The following MARCHF1 variants were observed in gnomAD, a reference collection of about 807,000 sequenced individuals.
MARCHF1 encodes the protein membrane associated ring-CH-type finger 1, also known as E3 ubiquitin-protein ligase MARCHF1.
MARCHF1 carries 40 observed loss-of-function variants against 54.2 expected under a neutral mutation model. The observed-to-expected ratio is 0.74, with a 90% CI of 0.57 to 0.96. MARCHF1 has a LOEUF of 0.96. Ranked by LOEUF, MARCHF1 falls within the 40% of genes least tolerant of loss-of-function variation. The probability of loss-of-function intolerance (pLI) is 0.00; values close to 1 mark genes in which losing one functional copy is unlikely to be tolerated. For synonymous variants in MARCHF1, 236 were observed against 236.3 expected, an observed-to-expected ratio of 1.00 and a Z score of 0.01; for missense variants, 586 against 656.5, an observed-to-expected ratio of 0.89 and a Z score of 1.17.
intron 7 of MARCHF1, among the ~76,000 whole-genome samples, chr4:163,593,426 CA>C (rs1184925847): frequency 1.3e-5 from 2 of 152,110 alleles, no homozygotes; most frequent in Admixed American, 1.3e-4. Context: ...TAGCTATAAT[CA>C]AAGAAATATA....
At chr4:164,346,775 A>G (rs1730117856) in intron 1 of MARCHF1, among the ~76,000 whole-genome samples, 1 of 151,530 alleles carries the variant, frequency 6.6e-6, no homozygotes, top group Non-Finnish European at 1.5e-5. Flanking sequence ...ACCTAGCATG[A>G]GTATCAGGTA....
intron 3 of MARCHF1, among the ~76,000 whole-genome samples, chr4:163,936,511 G>A (rs904493883): frequency 5.9e-5 from 9 of 152,188 alleles, no homozygotes; most frequent in African/African-American, 2.2e-4. Context: ...AATTCAGAGA[G>A]GAGCACACTA....
chr4:164,312,874 G>A (rs1734898819), intron 1 of MARCHF1, among the ~76,000 whole-genome samples: 3 of 152,096 alleles, frequency 2.0e-5, no homozygotes, highest in Admixed American at 2.0e-4. Context: ...CATGAGCCCT[G>A]TGCCGGCACT....
At chr4:163,653,222 A>G (rs1326794705) in intron 5 of MARCHF1, among the ~76,000 whole-genome samples, 2 of 151,814 alleles carry the variant, frequency 1.3e-5, no homozygotes, top group African/African-American at 4.8e-5. Flanking sequence ...GACATGAACC[A>G]GCTAAGAAGA....
chr4:163,824,342 T>A (rs1748783700), intron 4 of MARCHF1, among the ~76,000 whole-genome samples: 1 of 151,522 alleles, frequency 6.6e-6, no homozygotes, highest in African/African-American at 2.4e-5. Flanking sequence ...GCCGCATATC[T>A]ACAACTATCT....
intron 2 of MARCHF1, among the ~76,000 whole-genome samples, chr4:164,045,581 T>C (rs941800529): frequency 1.3e-5 from 2 of 151,754 alleles, no homozygotes; most frequent in African/African-American, 4.8e-5. Context: ...TTAAGGATTA[T>C]GTGCTTCAGA....
chr4:163,949,044 G>T (rs890715921), intron 3 of MARCHF1, among the ~76,000 whole-genome samples: 2 of 152,202 alleles, frequency 1.3e-5, no homozygotes, highest in African/African-American at 2.4e-5. Flanking sequence ...CCCGTGTTTT[G>T]CTTGGGCCCG....
intron 2 of MARCHF1, among the ~76,000 whole-genome samples, chr4:164,090,442 A>G (rs1049593561): frequency 6.6e-6 from 1 of 152,136 alleles, no homozygotes. Context: ...TTGAAACAAC[A>G]CTATTCAAAC....
intron 3 of MARCHF1, among the ~76,000 whole-genome samples, chr4:163,927,485 G>T (rs1751562103): frequency 6.6e-6 from 1 of 151,788 alleles, no homozygotes; most frequent in African/African-American, 2.4e-5. Flanking sequence ...ATGAAGTTAT[G>T]AAAATTTTAA....
intron 4 of MARCHF1, among the ~76,000 whole-genome samples, chr4:163,811,155 C>A (rs116719462): frequency 0.011 from 1,637 of 152,166 alleles, 21 homozygotes; most frequent in Non-Finnish European, 0.019. Flanking sequence ...CTTTTTAAAA[C>A]CCTCAGGATG....
chr4:164,306,149 C>T (rs1255828724), intron 1 of MARCHF1, among the ~76,000 whole-genome samples: 4 of 151,942 alleles, frequency 2.6e-5, no homozygotes, highest in Non-Finnish European at 5.9e-5. Context: ...TGTTAATTCC[C>T]CAGAATTTGT....
At chr4:163,832,910 G>A (rs1749072183) in intron 4 of MARCHF1, among the ~76,000 whole-genome samples, 1 of 151,992 alleles carries the variant, frequency 6.6e-6, no homozygotes, top group Admixed American at 6.5e-5. Flanking sequence ...TCCCTACAAA[G>A]GACATGAATT....
At chr4:163,777,003 C>T (rs1004907298) in intron 4 of MARCHF1, among the ~76,000 whole-genome samples, 1 of 152,076 alleles carries the variant, frequency 6.6e-6, no homozygotes, top group African/African-American at 2.4e-5. Context: ...TAATTCAACT[C>T]TTTTGCAAAG....
intron 1 of MARCHF1, among the ~76,000 whole-genome samples, chr4:164,171,151 C>T (rs1291167788): frequency 2.6e-5 from 4 of 151,988 alleles, no homozygotes; most frequent in Non-Finnish European, 4.4e-5. Context: ...ATGTCTTATG[C>T]ATGTATTTGC....
At chr4:164,050,195 A>C (rs1754330747) in intron 2 of MARCHF1, among the ~76,000 whole-genome samples, 1 of 144,498 alleles carries the variant, frequency 6.9e-6, no homozygotes, top group Non-Finnish European at 1.5e-5. Context: ...GAATCGCTTG[A>C]ACCCAGGAGG....
intron 4 of MARCHF1, among the ~76,000 whole-genome samples, chr4:163,826,488 T>G (rs1748850790): frequency 6.6e-6 from 1 of 152,100 alleles, no homozygotes; most frequent in Non-Finnish European, 1.5e-5. Flanking sequence ...AAGCCGTCCA[T>G]GAATAGGTTT....
chr4:163,556,539 T>G (rs1305498529), intron 8 of MARCHF1, among the ~76,000 whole-genome samples: 3 of 140,880 alleles, frequency 2.1e-5, no homozygotes, highest in Non-Finnish European at 3.2e-5. Flanking sequence ...TTGTATTTAA[T>G]GTAATTGAGT....
intron 2 of MARCHF1, among the ~76,000 whole-genome samples, chr4:164,105,977 A>C (rs2111169580): frequency 6.7e-6 from 1 of 148,690 alleles, no homozygotes; most frequent in East Asian, 2.0e-4. Context: ...ACACTTCTCA[A>C]AAGAAGACAT....
At chr4:163,884,751 A>G (rs1320288125) in intron 3 of MARCHF1, among the ~76,000 whole-genome samples, 1 of 152,196 alleles carries the variant, frequency 6.6e-6, no homozygotes, top group East Asian at 1.9e-4. Flanking sequence ...TAACAAGGAA[A>G]TACCAGGAGG....
Sources: allele counts gnomAD v4.1 joint callset (sites outside exome capture counted in the v4.1 genomes callset), GRCh38; gene constraint gnomAD v4.1.1; transcripts MANE v1.5; gene names NCBI Gene and HGNC (gene_info 2026-07-23, HGNC 2026-07-21).